The following CDCA2 variants were observed in gnomAD, a reference collection of about 807,000 sequenced individuals.
CDCA2 encodes the protein cell division cycle associated 2.
CDCA2 carries 44 observed loss-of-function variants against 67.0 expected under a neutral mutation model. The observed-to-expected ratio is 0.66, with a 90% CI of 0.52 to 0.84. The LOEUF is 0.84. Ranked by LOEUF, CDCA2 falls within the 40% of genes least tolerant of loss-of-function variation. The probability of loss-of-function intolerance (pLI) is 0.00; values close to 1 mark genes in which losing one functional copy is unlikely to be tolerated. For missense variants in CDCA2, 1,253 were observed against 1,203.2 expected, an observed-to-expected ratio of 1.04 and a Z score of -0.61; for synonymous variants, 447 against 418.7, an observed-to-expected ratio of 1.07 and a Z score of -0.82.
chr8:25,484,533 A>G (rs1803691565), intron 10 of CDCA2, among the ~76,000 whole-genome samples: 1 of 152,034 alleles, frequency 6.6e-6, no homozygotes, highest in Non-Finnish European at 1.5e-5. Context: ...ATATCAACTT[A>G]AGATATTTAA....
intron 4 of CDCA2, among the ~76,000 whole-genome samples, chr8:25,463,007 G>C (rs1802761696): frequency 6.6e-6 from 1 of 152,088 alleles, no homozygotes; most frequent in African/African-American, 2.4e-5. Flanking sequence ...ACCCTGGATA[G>C]AAATAGCTTT....
chr8:25,475,268 C>T (rs1039819423), intron 7 of CDCA2, among the ~76,000 whole-genome samples: 1 of 152,148 alleles, frequency 6.6e-6, no homozygotes, highest in Non-Finnish European at 1.5e-5. Flanking sequence ...CGCCTGTAAT[C>T]CCAGCACTTC....
upstream of CDCA2, chr8:25,459,145 G>T (rs3812422): frequency 0.4 from 60,520 of 151,578 alleles, 12,491 homozygotes; most frequent in African/African-American, 0.52. Flanking sequence ...TGGAGAAGGG[G>T]GAGGTGGCGG....
Position 25,468,423 on chromosome 8 carries a change from T to A in CDCA2, c.735+10T>A, listed in dbSNP as rs1803011754. 6.2e-7 allele frequency: 1 copy of A among 1,605,506 alleles called. No individual in the cohort carries two copies. Among genetic ancestry groups the A allele is most frequent in the African/African-American group, 1.3e-5 (1 of 74,684 alleles). On this transcript the variant is annotated intron_variant, in intron 6 of 14. Transcript: ENST00000330560. ...TGTAGATCTTTCTGAGGTAATTCAC[T>A]TACTTTACGCATAGGAAAATGAAGT...
At chr8:25,492,075 C>T (rs1804028689) in intron 13 of CDCA2, among the ~76,000 whole-genome samples, 1 of 151,530 alleles carries the variant, frequency 6.6e-6, no homozygotes, top group Admixed American at 6.6e-5. Context: ...GGATTACAGG[C>T]GTGAGCCACC....
At chr8:25,474,284 G>C (rs6991326) in intron 7 of CDCA2, among the ~76,000 whole-genome samples, 84,404 of 151,988 alleles carry the variant, frequency 0.56, 24,705 homozygotes, top group Middle Eastern at 0.66. Flanking sequence ...TGCTAACCTT[G>C]TAAAATGACA....
chr8:25,501,507 G>A (rs1804474607), intron 13 of CDCA2, among the ~76,000 whole-genome samples: 1 of 152,254 alleles, frequency 6.6e-6, no homozygotes, highest in South Asian at 2.1e-4. Context: ...GCCGGGCCAT[G>A]TCTTGCTGCA....
chr8:25,483,210 A>G (rs77421762), intron 8 of CDCA2, among the ~76,000 whole-genome samples, 189 bp from the exon 9 acceptor site: 8,163 of 152,236 alleles, frequency 0.054, 702 homozygotes, highest in African/African-American at 0.18. Flanking sequence ...AGTAGTATCT[A>G]GGGGACATAG....
rs757930874 is a variant in CDCA2, at chr8:25,483,391, C to G, written c.1033-8C>G. ...GTAAAATTATTCATTAATGTTTATT[C>G]TGTTTAGGAACACTGTAACAACCTC... On this transcript the variant is annotated splice_region_variant and splice_polypyrimidine_tract_variant and intron_variant, in intron 8 of 14. Coordinates refer to ENST00000330560, the MANE Select transcript of CDCA2 (RefSeq NM_152562.4). The G allele has an allele frequency of 6.5e-7, 1 of 1,539,496 alleles. No homozygotes were observed. Among genetic ancestry groups the G allele is most frequent in the South Asian group, 1.2e-5 (1 of 80,072 alleles).
chr8:25,485,389 T>C (rs1234822180), intron 10 of CDCA2, among the ~76,000 whole-genome samples: 1 of 152,072 alleles, frequency 6.6e-6, no homozygotes, highest in Non-Finnish European at 1.5e-5. Context: ...ATTGCCATCT[T>C]ACTCTGGAGT....
chr8:25,498,116 A>G (rs977749144), intron 13 of CDCA2, among the ~76,000 whole-genome samples: 8 of 152,202 alleles, frequency 5.3e-5, no homozygotes, highest in African/African-American at 1.9e-4. Context: ...TTTTAGAAAA[A>G]GAAATTATGG....
At chr8:25,465,275 A>C (rs1246041538) in intron 4 of CDCA2, among the ~76,000 whole-genome samples, 1 of 152,018 alleles carries the variant, frequency 6.6e-6, no homozygotes, top group Admixed American at 6.6e-5. Context: ...TGCCCAGCCT[A>C]CTCTGTATGA....
At chr8:25,496,659 T>TG (rs1238875723) in intron 13 of CDCA2, among the ~76,000 whole-genome samples, 1 of 152,042 alleles carries the variant, frequency 6.6e-6, no homozygotes, top group African/African-American at 2.4e-5. Context: ...TCAAAAGACA[T>TG]GCAAATGGCT....
In CDCA2 at chr8:25,481,379, C is replaced by G. The variant is rs540038972; in HGVS notation, c.1032+1255C>G. Among the ~76,000 whole-genome samples the G allele has an allele frequency of 5.3e-5, 8 of 152,268 alleles. No individual in the cohort carries two copies. In the South Asian group the frequency reaches 1.7e-3, roughly 32 times the overall value. ...TGACACAGCAAATATTAAGTCTTGT[C>G]ATTAGAATCATGTGAAAACATTTAC... On this transcript the variant is annotated intron_variant, in intron 8 of 14. Coordinates refer to ENST00000330560, the MANE Select transcript of CDCA2 (RefSeq NM_152562.4).
intron 4 of CDCA2, 96 bp downstream of exon 4, chr8:25,462,304 G>A: frequency 4.5e-6 from 6 of 1,342,892 alleles, no homozygotes; most frequent in Non-Finnish European, 6.3e-6. Flanking sequence ...TTCAAATCTG[G>A]AGGGAGATTT....
intron 6 of CDCA2, 116 bp downstream of exon 6, chr8:25,468,529 TGG>T: frequency 2.7e-6 from 1 of 370,386 alleles, no homozygotes; most frequent in Admixed American, 4.6e-5. Context: ...CTGTGGTTCC[TGG>T]GGTGTGTGTG....
At chr8:25,489,628 C>T (rs1219087867) in intron 13 of CDCA2, among the ~76,000 whole-genome samples, 1 of 152,220 alleles carries the variant, frequency 6.6e-6, no homozygotes, top group Non-Finnish European at 1.5e-5. Context: ...CGCTTCACTT[C>T]ATTTTTAATA....
rs1366048481 is a variant in CDCA2 at position 25,505,428 on chromosome 8, T to C, written c.1844-1082T>C. The stretch of plus-strand genomic sequence containing the variant: ...GTTGGCCAGGCTGGTCTCAAACTCC[T>C]GACCTCAGGTAATCCACCTGCCTCG... On this transcript the variant is annotated intron_variant, in intron 14 of 14. Coordinates refer to ENST00000330560, the MANE Select transcript of CDCA2 (RefSeq NM_152562.4). Among the ~76,000 whole-genome samples the C allele has an allele frequency of 3.3e-5, 5 of 152,176 alleles. No individual in the cohort carries two copies. The East Asian group carries it at 9.7e-4, about 29-fold the overall frequency.
chr8:25,466,103 A>C, intron 4 of CDCA2, 72 bp from the exon 5 acceptor site: 1 of 1,424,144 alleles, frequency 7.0e-7, no homozygotes, highest in Non-Finnish European at 9.5e-7. Flanking sequence ...TTTGGATTCA[A>C]TGGCTGTAGG....
Sources: allele counts gnomAD v4.1 joint callset (sites outside exome capture counted in the v4.1 genomes callset), GRCh38; gene constraint gnomAD v4.1.1; transcripts MANE v1.5; gene names NCBI Gene and HGNC (gene_info 2026-07-23, HGNC 2026-07-21).